ZFHX3: variants seen among roughly 807,000 people sequenced by gnomAD.
ZFHX3 encodes the protein zinc finger homeobox protein 3.
A neutral mutation model predicts 279.1 loss-of-function variants in ZFHX3; 42 were observed. That is an observed-to-expected ratio of 0.15 (90% CI 0.12 to 0.19). The LOEUF (loss-of-function observed/expected upper bound fraction) is 0.19. Among genes scored for constraint, ZFHX3 ranks in the 10% least tolerant of loss-of-function variants. The pLI is 1.00. For missense variants in ZFHX3, 4,981 were observed against 4,754.0 expected (o/e 1.05, Z -1.40); for synonymous variants, 2,293 against 1,957.8 (o/e 1.17, Z -4.52).
intron 1 of ZFHX3, among the ~76,000 whole-genome samples, chr16:73,682,991 A>AAAGAAAAG (rs1555532226): frequency 2.8e-4 from 12 of 42,288 alleles, no homozygotes; most frequent in Non-Finnish European, 4.4e-4. Context: ...AGAAAGAAAG[A>AAAGAAAAG]AAAGAAAGAA....
At position 73,581,483 on chromosome 16, in the gene ZFHX3, T is replaced by C. The variant is rs1021130767; in HGVS notation, c.-1547+98697A>G. On this transcript the variant is annotated intron_variant, in intron 2 of 17. Transcript: ENST00000641206. Reference sequence around the variant, plus strand: ...AGGAATAAAAATTGTTTTACACAAATGGATGCTTGTTACTTTCAGATAGGT... The same window carrying C: ...AGGAATAAAAATTGTTTTACACAAACGGATGCTTGTTACTTTCAGATAGGT... 4.6e-5 allele frequency among the ~76,000 whole-genome samples: 7 copies of C among 151,802 alleles called. No individual in the cohort carries two copies. In the South Asian group the frequency reaches 1.4e-3, roughly 31 times the overall value.
chr16:73,368,096 C>A (rs1035659257), intron 3 of ZFHX3, among the ~76,000 whole-genome samples: 14 of 152,154 alleles, frequency 9.2e-5, no homozygotes, highest in African/African-American at 3.4e-4. Flanking sequence ...GTCTCAAACT[C>A]CTGACCTCAA....
intron 5 of ZFHX3, among the ~76,000 whole-genome samples, chr16:73,202,864 C>G (rs1486506869): frequency 7.3e-5 from 11 of 150,930 alleles, no homozygotes; most frequent in African/African-American, 2.4e-4. Flanking sequence ...CCTGCACACT[C>G]TGAACTACCT....
chr16:73,417,736 G>C (rs1190390522), intron 3 of ZFHX3, among the ~76,000 whole-genome samples: 1 of 151,720 alleles, frequency 6.6e-6, no homozygotes, highest in East Asian at 1.9e-4. Context: ...ACTTTGGGAG[G>C]CTGAAGCGGG....
At position 73,737,101 on chromosome 16, in the gene ZFHX3, A is replaced by G. The variant is rs569057877; in HGVS notation, c.-1607-56861T>C. Among the ~76,000 whole-genome samples the G allele has an allele frequency of 2.0e-5, 3 of 152,086 alleles. No homozygotes were observed. The East Asian group carries it at 5.8e-4, about 29-fold the overall frequency. ...CAAGCTGGAGTGCAGGGGCAGCATC[A>G]CAGTACATTGTAGCCTCAGTCTCTT... On this transcript the variant is annotated intron_variant, in intron 1 of 17. Transcript: ENST00000641206.
chr16:73,750,498 A>C (rs1180594237), intron 1 of ZFHX3, among the ~76,000 whole-genome samples: 1 of 152,078 alleles, frequency 6.6e-6, no homozygotes, highest in Admixed American at 6.6e-5. Flanking sequence ...TTAGTAACAG[A>C]TGTCAAAAAT....
intron 2 of ZFHX3, among the ~76,000 whole-genome samples, chr16:73,599,053 G>A (rs940362289): frequency 3.3e-5 from 5 of 152,174 alleles, no homozygotes; most frequent in African/African-American, 7.2e-5. Flanking sequence ...GAGCCACCAC[G>A]CCCGGCCTTT....
intron 5 of ZFHX3, among the ~76,000 whole-genome samples, chr16:73,246,637 A>C (rs1228865599): frequency 6.6e-6 from 1 of 152,166 alleles, no homozygotes; most frequent in East Asian, 1.9e-4. Flanking sequence ...AAAAAAGGAG[A>C]GAGCCATGAT....
chr16:73,436,824 G>C (rs2018008094), intron 3 of ZFHX3, among the ~76,000 whole-genome samples: 1 of 152,234 alleles, frequency 6.6e-6, no homozygotes, highest in South Asian at 2.1e-4. Context: ...CTATGCTCTG[G>C]TAGATGGACA....
At chr16:73,184,399 C>T (rs1420654869) in intron 5 of ZFHX3, among the ~76,000 whole-genome samples, 1 of 152,178 alleles carries the variant, frequency 6.6e-6, no homozygotes, top group Non-Finnish European at 1.5e-5. Context: ...AGTGGAAATG[C>T]CAGACAGACA....
At chr16:72,983,577 C>T (rs751687870) in intron 1 of ZFHX3, among the ~76,000 whole-genome samples, 17 of 152,130 alleles carry the variant, frequency 1.1e-4, no homozygotes, top group Admixed American at 7.9e-4. Context: ...AGTGGTGGCA[C>T]CCACCTGTAG....
chr16:73,662,681 G>A (rs1176357715), intron 2 of ZFHX3, among the ~76,000 whole-genome samples: 1 of 152,146 alleles, frequency 6.6e-6, no homozygotes, highest in African/African-American at 2.4e-5. Context: ...TTCACAAAAA[G>A]GGGTCAAAAA....
intron 3 of ZFHX3, among the ~76,000 whole-genome samples, chr16:72,923,249 G>A (rs1328962197): frequency 6.6e-6 from 1 of 152,126 alleles, no homozygotes; most frequent in Non-Finnish European, 1.5e-5. Flanking sequence ...TTTAACACCA[G>A]CCTGGGCAAC....
In ZFHX3 at chr16:72,795,032, C is replaced by G. The variant is rs1296279851; in HGVS notation, c.7650G>C (p.Gln2550His). ...PSFEHWQEHQ[Q>H]LHFLSAQNQF... ...GGTTCTGCGCGCTCAGGAAGTGGAG[C>G]TGCTGATGCTCCTGCCAGTGCTCAA... Residue 2550 changes from glutamine to histidine, a missense_variant, in exon 9 of 10, where the codon CAG becomes CAC. Around this residue, in one of 7 missense-constraint regions of ZFHX3, gnomAD observed 744 missense variants for 701.3 expected, o/e 1.06. Coordinates refer to ENST00000268489, the MANE Select transcript of ZFHX3 (RefSeq NM_006885.4). 3 of 1,614,060 alleles carry G rather than the reference C, an allele frequency of 1.9e-6. No individual in the cohort carries two copies. Among genetic ancestry groups the G allele is most frequent in the Middle Eastern group, 1.6e-4 (1 of 6,084 alleles).
At chr16:72,946,468 T>C (rs1265380482) in intron 3 of ZFHX3, among the ~76,000 whole-genome samples, 1 of 152,198 alleles carries the variant, frequency 6.6e-6, no homozygotes, top group African/African-American at 2.4e-5. Context: ...AGTTGACAGA[T>C]TTCCACTCCA....
chr16:73,036,299 C>T (rs968873433), intron 1 of ZFHX3, among the ~76,000 whole-genome samples: 1 of 152,188 alleles, frequency 6.6e-6, no homozygotes, highest in African/African-American at 2.4e-5. Flanking sequence ...ACTTTTTAGC[C>T]ACCTCCTCAA....
At chr16:73,248,297 TATG>T (rs2013367522) in intron 5 of ZFHX3, among the ~76,000 whole-genome samples, 1 of 151,886 alleles carries the variant, frequency 6.6e-6, no homozygotes. Flanking sequence ...ATACTGTACA[TATG>T]ATATGTGTGT....
chr16:73,248,573 G>C (rs932697950), intron 5 of ZFHX3, among the ~76,000 whole-genome samples: 2 of 151,552 alleles, frequency 1.3e-5, no homozygotes, highest in East Asian at 2.0e-4. Flanking sequence ...AAATGTGTCT[G>C]TGTGTATATG....
chr16:73,868,184 C>A (rs1040575878), intron 1 of ZFHX3, among the ~76,000 whole-genome samples: 2 of 152,212 alleles, frequency 1.3e-5, no homozygotes, highest in African/African-American at 4.8e-5. Flanking sequence ...AATAGAAAAC[C>A]TGATGGTGAA....
Sources: allele counts gnomAD v4.1 joint callset (sites outside exome capture counted in the v4.1 genomes callset), GRCh38; gene constraint gnomAD v4.1.1; regional missense constraint gnomAD v4.1.1; transcripts MANE v1.5; gene names NCBI Gene and HGNC (gene_info 2026-07-23, HGNC 2026-07-21).